The following NRXN3 variants were observed in gnomAD, a reference collection of about 807,000 sequenced individuals.
NRXN3 encodes the protein neurexin 3.
NRXN3 carries 32 observed loss-of-function variants against 137.6 expected under a neutral mutation model. The observed-to-expected ratio is 0.23, with a 90% CI of 0.18 to 0.31. The LOEUF is 0.31. Among genes scored for constraint, NRXN3 ranks in the 10% least tolerant of loss-of-function variants. NRXN3 has a pLI of 1.00. For synonymous variants in NRXN3, 798 were observed against 784.5 expected (o/e 1.02, Z -0.29); for missense variants, 1,574 against 2,062.5 (o/e 0.76, Z 4.59).
At chr14:79,477,123 T>C (rs2096566584) in intron 16 of NRXN3, among the ~76,000 whole-genome samples, 1 of 152,032 alleles carries the variant, frequency 6.6e-6, no homozygotes, top group South Asian at 2.1e-4. Flanking sequence ...GAGATTTTTT[T>C]TTTTAATGTA....
intron 19 of NRXN3, among the ~76,000 whole-genome samples, chr14:79,714,443 A>G (rs142632411): frequency 6.6e-6 from 1 of 152,360 alleles, no homozygotes; most frequent in African/African-American, 2.4e-5. Flanking sequence ...AAATATTTGA[A>G]GAAGTAAGAG....
At chr14:78,572,426 G>T (rs1191904149) in intron 4 of NRXN3, among the ~76,000 whole-genome samples, 1 of 152,130 alleles carries the variant, frequency 6.6e-6, no homozygotes, top group Non-Finnish European at 1.5e-5. Flanking sequence ...GGCCCTCTAT[G>T]GCTTTTTGCA....
intron 8 of NRXN3, among the ~76,000 whole-genome samples, chr14:78,766,712 T>C (rs1054667771): frequency 1.3e-5 from 2 of 152,158 alleles, no homozygotes; most frequent in African/African-American, 2.4e-5. Context: ...CTAACCCAAA[T>C]TGGTGAGTTC....
chr14:78,211,957 T>C (rs766133711), intron 1 of NRXN3, among the ~76,000 whole-genome samples: 4 of 152,224 alleles, frequency 2.6e-5, no homozygotes, highest in Non-Finnish European at 4.4e-5. Context: ...TGGGATCATA[T>C]GCTTAGGGTC....
intron 16 of NRXN3, among the ~76,000 whole-genome samples, chr14:79,640,454 C>A (rs571223967): frequency 7.4e-6 from 1 of 135,650 alleles, no homozygotes; most frequent in Non-Finnish European, 1.7e-5. Flanking sequence ...TACCAAGAAA[C>A]ACTTTTTGCA....
intron 15 of NRXN3, among the ~76,000 whole-genome samples, chr14:79,332,906 C>T (rs1163075479): frequency 6.6e-6 from 1 of 152,108 alleles, no homozygotes; most frequent in Non-Finnish European, 1.5e-5. Context: ...CTTTCTGATA[C>T]ATTGTAATGA....
chr14:78,541,984 TTGCAGAACAGCAAATAC>T (rs56273160), intron 4 of NRXN3, among the ~76,000 whole-genome samples: 34,810 of 152,104 alleles, frequency 0.23, 4,270 homozygotes, highest in Middle Eastern at 0.32. Flanking sequence ...ACAGCAAATA[TTGCAGAACAGCAAATAC>T]TGCAGGAAAG....
At chr14:78,767,483 G>C (rs1412475396) in intron 8 of NRXN3, among the ~76,000 whole-genome samples, 1 of 152,194 alleles carries the variant, frequency 6.6e-6, no homozygotes, top group East Asian at 1.9e-4. Flanking sequence ...GAAGAGGACC[G>C]TGTCACCCTA....
At chr14:78,673,010 G>GT in intron 6 of NRXN3, among the ~76,000 whole-genome samples, 1 of 152,176 alleles carries the variant, frequency 6.6e-6, no homozygotes, top group East Asian at 1.9e-4. Context: ...TAGTTGTCAT[G>GT]TTTTTCTCTA....
chr14:79,393,022 G>A (rs1277738894), intron 15 of NRXN3, among the ~76,000 whole-genome samples: 2 of 150,544 alleles, frequency 1.3e-5, no homozygotes, highest in East Asian at 1.9e-4. Context: ...TGGAGAGGAT[G>A]TGGAGAAATA....
chr14:79,247,509 G>C (rs983759121), intron 15 of NRXN3, among the ~76,000 whole-genome samples: 12 of 152,112 alleles, frequency 7.9e-5, no homozygotes, highest in Admixed American at 6.6e-4. Context: ...GTCTTTTTCA[G>C]CAAAGAAAGA....
chr14:79,821,691 T>G (rs1282429327), intron 20 of NRXN3, among the ~76,000 whole-genome samples: 1 of 138,238 alleles, frequency 7.2e-6, no homozygotes, highest in Non-Finnish European at 1.6e-5. Context: ...TTTTTGCATG[T>G]CTTTTTTTCT....
intron 15 of NRXN3, among the ~76,000 whole-genome samples, chr14:79,134,184 A>G (rs1050386954): frequency 1.3e-5 from 2 of 152,172 alleles, no homozygotes; most frequent in African/African-American, 4.8e-5. Flanking sequence ...GAAAGGGAAT[A>G]TCTGAATGGA....
At chr14:78,315,329 G>A (rs1401114263) in intron 4 of NRXN3, among the ~76,000 whole-genome samples, 1 of 152,102 alleles carries the variant, frequency 6.6e-6, no homozygotes, top group Non-Finnish European at 1.5e-5. Flanking sequence ...ACCCTTCAGA[G>A]TTACTTACAT....
chr14:79,058,674 C>G (rs1200909265), intron 15 of NRXN3, among the ~76,000 whole-genome samples: 1 of 152,088 alleles, frequency 6.6e-6, no homozygotes, highest in Admixed American at 6.5e-5. Context: ...TGTGTCCCCA[C>G]CCAAATCTCA....
intron 19 of NRXN3, among the ~76,000 whole-genome samples, chr14:79,746,855 C>A (rs577385380): frequency 6.6e-6 from 1 of 152,044 alleles, no homozygotes; most frequent in Non-Finnish European, 1.5e-5. Flanking sequence ...TCTTAAAGAA[C>A]CCCTAAAACT....
At chr14:78,448,001 C>T (rs1412407663) in intron 4 of NRXN3, among the ~76,000 whole-genome samples, 1 of 152,164 alleles carries the variant, frequency 6.6e-6, no homozygotes, top group Non-Finnish European at 1.5e-5. Flanking sequence ...CATCCTGTGC[C>T]TTTGTGTGTT....
At chr14:78,946,164 A>G (rs192947947) in intron 10 of NRXN3, among the ~76,000 whole-genome samples, 1 of 152,208 alleles carries the variant, frequency 6.6e-6, no homozygotes, top group East Asian at 1.9e-4. Flanking sequence ...TCTTATGACT[A>G]TTGTCTGGTG....
intron 4 of NRXN3, among the ~76,000 whole-genome samples, chr14:78,409,049 C>T (rs776631804): frequency 6.6e-6 from 1 of 152,226 alleles, no homozygotes; most frequent in Non-Finnish European, 1.5e-5. Context: ...ATGCATGAAT[C>T]TCTTTGCAGA....
Sources: allele counts gnomAD v4.1 joint callset (sites outside exome capture counted in the v4.1 genomes callset), GRCh38; gene constraint gnomAD v4.1.1; transcripts MANE v1.5; gene names NCBI Gene and HGNC (gene_info 2026-07-23, HGNC 2026-07-21).